ALDH1A2: variants seen among roughly 807,000 people sequenced by gnomAD.
ALDH1A2 encodes retinal dehydrogenase 2.
Under a neutral mutation model 60.3 loss-of-function variants are expected in ALDH1A2, and 27 were observed. That is an observed-to-expected ratio of 0.45 (90% CI 0.33 to 0.62). ALDH1A2 has a LOEUF of 0.62. ALDH1A2 is among the 20% of genes least tolerant of loss of function. ALDH1A2 has a pLI of 0.02. For synonymous variants in ALDH1A2, 289 were observed against 232.4 expected (o/e 1.24, Z -2.21); for missense variants, 581 against 643.8 (o/e 0.90, Z 1.06).
intron 1 of ALDH1A2, among the ~76,000 whole-genome samples, chr15:58,017,095 CAG>C: frequency 6.6e-6 from 1 of 152,246 alleles, no homozygotes; most frequent in South Asian, 2.1e-4. Context: ...ATGAGTCCTT[CAG>C]ATAAATTCTG....
At chr15:57,992,239 A>G (rs1157900462) in intron 7 of ALDH1A2, among the ~76,000 whole-genome samples, 1 of 152,136 alleles carries the variant, frequency 6.6e-6, no homozygotes, top group Non-Finnish European at 1.5e-5. Context: ...TACATTTACT[A>G]TCTAGCCCTA....
chr15:58,055,876 A>C (rs568839537), intron 1 of ALDH1A2, among the ~76,000 whole-genome samples: 1 of 150,146 alleles, frequency 6.7e-6, no homozygotes. Flanking sequence ...TTATTCTTGA[A>C]TAATGTAGAG....
intron 8 of ALDH1A2, 99 bp downstream of exon 8, chr15:57,965,626 T>C: frequency 1.1e-6 from 1 of 942,762 alleles, no homozygotes; most frequent in Non-Finnish European, 1.8e-6. Context: ...GCCCTTAGCT[T>C]CAAATATCTT....
intron 7 of ALDH1A2, among the ~76,000 whole-genome samples, chr15:57,972,408 T>A (rs1437667271): frequency 6.6e-6 from 1 of 152,192 alleles, no homozygotes. Context: ...CTATTTCAGG[T>A]AAGCTTTAAA....
At chr15:58,006,394 C>T (rs184323453) in intron 4 of ALDH1A2, among the ~76,000 whole-genome samples, 1 of 152,066 alleles carries the variant, frequency 6.6e-6, no homozygotes, top group Admixed American at 6.6e-5. Flanking sequence ...ATTTACCACA[C>T]CTTCTTTATC....
chr15:57,973,202 C>G (rs528372203), intron 7 of ALDH1A2, among the ~76,000 whole-genome samples: 49 of 152,234 alleles, frequency 3.2e-4, no homozygotes, highest in Non-Finnish European at 5.3e-4. Flanking sequence ...TTTTCCTGTA[C>G]TTTATTGAAG....
rs535395932 is a variant in ALDH1A2, at chr15:58,040,451, G to A, written c.117+25083C>T. On this transcript the variant is annotated intron_variant, in intron 1 of 12. Transcript: ENST00000249750. Reference sequence around the variant, plus strand: ...AGTAAGTAATTCAGATACAACGAACGTTATGAGGGGCCCACTATGTACTGT... The same window carrying A: ...AGTAAGTAATTCAGATACAACGAACATTATGAGGGGCCCACTATGTACTGT... Among the ~76,000 whole-genome samples, 12 of 152,030 alleles carry A rather than the reference G, an allele frequency of 7.9e-5. No homozygotes were observed. The South Asian group carries it at 2.1e-3, about 26-fold the overall frequency.
intron 7 of ALDH1A2, among the ~76,000 whole-genome samples, chr15:57,989,553 G>T (rs945624756): frequency 2.6e-4 from 39 of 152,114 alleles, no homozygotes; most frequent in African/African-American, 8.9e-4. Flanking sequence ...ACTAGTGAAA[G>T]AACAGAAAAA....
At chr15:58,008,530 A>G (rs191167292) in intron 4 of ALDH1A2, among the ~76,000 whole-genome samples, 59 of 152,232 alleles carry the variant, frequency 3.9e-4, no homozygotes, top group Admixed American at 1.6e-3. Context: ...GCTTTATCTA[A>G]TCAGGATCTT....
intron 1 of ALDH1A2, among the ~76,000 whole-genome samples, chr15:58,026,519 G>A (rs1487872054): frequency 7.2e-5 from 11 of 152,158 alleles, no homozygotes; most frequent in Non-Finnish European, 1.5e-4. Context: ...GGACTGGTTC[G>A]ACAGTGGGTG....
intron 1 of ALDH1A2, among the ~76,000 whole-genome samples, chr15:58,038,851 T>A (rs866441455): frequency 1.3e-5 from 2 of 151,814 alleles, no homozygotes; most frequent in African/African-American, 4.8e-5. Flanking sequence ...CACATTTAAA[T>A]TGGCAGTAAA....
rs549647285 is a variant in ALDH1A2, at chr15:58,065,310, G to A, written c.117+224C>T. On this transcript the variant is annotated intron_variant, in intron 1 of 12. Transcript: ENST00000249750. The stretch of plus-strand genomic sequence containing the variant: ...GTTGACGGCTGCCCCTCAACGCTGC[G>A]CTTCGGGTTGGGTTAAGTCCCCAAG... 5.8e-4 allele frequency: 335 copies of A among 573,296 alleles called. 1 individual carries two copies. The highest frequency in any genetic ancestry group is 9.0e-4 in the Non-Finnish European group (289 of 319,510). 35.5% of individuals were successfully genotyped at this position (573,296 alleles called of 1,614,324 possible). A position where few individuals can be genotyped will look rare whatever the true frequency, so the allele number is the denominator to read the frequency against.
intron 7 of ALDH1A2, among the ~76,000 whole-genome samples, chr15:57,976,441 G>A (rs769579734): frequency 8.5e-5 from 13 of 152,070 alleles, no homozygotes; most frequent in Non-Finnish European, 1.2e-4. Context: ...GACAGGCCCC[G>A]GTGTGTGATG....
chr15:58,058,260 T>C (rs1282139649), intron 1 of ALDH1A2, among the ~76,000 whole-genome samples: 2 of 151,948 alleles, frequency 1.3e-5, no homozygotes, highest in African/African-American at 4.8e-5. Context: ...TATATGAGTG[T>C]TAGGAGTGAC....
intron 4 of ALDH1A2, among the ~76,000 whole-genome samples, chr15:57,999,918 A>C (rs2140500246): frequency 6.6e-6 from 1 of 152,142 alleles, no homozygotes; most frequent in Non-Finnish European, 1.5e-5. Context: ...TTGCAGGGAC[A>C]ATAGATGGAG....
intron 3 of ALDH1A2, 69 bp downstream of exon 3, chr15:58,013,789 C>T (rs749851483): frequency 8.2e-6 from 13 of 1,581,250 alleles, no homozygotes; most frequent in Non-Finnish European, 1.0e-5. Flanking sequence ...AAAATACAGC[C>T]GAAGAATGTA....
chr15:58,030,489 A>C (rs1264765803), intron 1 of ALDH1A2, among the ~76,000 whole-genome samples: 2 of 152,202 alleles, frequency 1.3e-5, no homozygotes, highest in Admixed American at 6.5e-5. Context: ...CAAGACAAGG[A>C]TGCCCTCCCT....
At chr15:58,056,813 C>G (rs1429969512) in intron 1 of ALDH1A2, among the ~76,000 whole-genome samples, 1 of 151,718 alleles carries the variant, frequency 6.6e-6, no homozygotes, top group African/African-American at 2.4e-5. Flanking sequence ...CAAGGAAACA[C>G]AAATCAAAGT....
In ALDH1A2 at chr15:58,013,866, C is replaced by G; in HGVS notation, c.355G>C (p.Val119Leu). Residue 119 changes from valine to leucine, a missense_variant, in exon 3 of 13, where the codon GTT becomes CTT. Val to Leu is a conservative substitution (Grantham distance 32). Around this residue, in one of 2 missense-constraint regions of ALDH1A2, gnomAD observed 206 missense variants for 174.1 expected, o/e 1.18. Coordinates refer to ENST00000249750, the MANE Select transcript of ALDH1A2 (RefSeq NM_003888.4). ...TTTCTTAGGTTACTTACTGCAAGAA[C>G]TGCCCTGTCCCGTTCCACCAAGTCT... is the stretch of plus-strand genomic sequence containing the variant. ...LADLVERDRA[V>L]LATMESLNGG... 2 of 1,614,140 alleles carry G rather than the reference C, an allele frequency of 1.2e-6. No individual in the cohort carries two copies. Among genetic ancestry groups the G allele is most frequent in the Non-Finnish European group, 1.7e-6 (2 of 1,180,008 alleles).
Sources: gnomAD v4.1 joint callset for allele counts (sites outside exome capture counted in the v4.1 genomes callset) on GRCh38, gnomAD v4.1.1 for gene constraint, gnomAD v4.1.1 regional missense constraint, MANE v1.5 for transcripts, NCBI Gene and HGNC (gene_info 2026-07-23, HGNC 2026-07-21) for gene names.